SGMS1: variants seen among roughly 807,000 people sequenced by gnomAD.
SGMS1 encodes the protein phosphatidylcholine:ceramide cholinephosphotransferase 1.
A neutral mutation model predicts 46.2 loss-of-function variants in SGMS1; 13 were observed. The ratio of observed to expected loss-of-function variants is 0.28; its 90% CI spans 0.18 to 0.45. The LOEUF is 0.45. SGMS1 is among the 20% of genes least tolerant of loss of function. SGMS1 has a pLI of 1.00. For missense variants in SGMS1, 324 were observed against 519.9 expected (o/e 0.62, Z 3.66); for synonymous variants, 203 against 187.8 (o/e 1.08, Z -0.66).
chr10:50,327,071 T>C (rs2133313985), intron 8 of SGMS1, 134 bp downstream of exon 8: 1 of 565,404 alleles, frequency 1.8e-6, no homozygotes, highest in African/African-American at 1.9e-5. Context: ...GGCCATATCA[T>C]TTAGTAACAT....
At chr10:50,553,423 A>C (rs1047260466) in intron 2 of SGMS1, among the ~76,000 whole-genome samples, 15 of 152,184 alleles carry the variant, frequency 9.9e-5, no homozygotes, top group African/African-American at 3.4e-4. Context: ...AGTACTTAGT[A>C]TATTTCCTGA....
In SGMS1 at chr10:50,519,848, C is replaced by T. The variant is rs563498769; in HGVS notation, c.-515G>A. ...TGACTTACCTGTATTTTATTACACA[C>T]CCTCTGCTGTGTTCCAACTTTACTG... On this transcript the variant is annotated 5_prime_UTR_variant, in exon 3 of 11. It adds an upstream start codon to the 5' untranslated region. Transcript: ENST00000361781. The T allele has an allele frequency of 3.7e-4, 57 of 152,430 alleles. No homozygotes were observed. The Middle Eastern group carries it at 0.014, about 36-fold the overall frequency. 9.4% of individuals were successfully genotyped at this position (152,430 alleles called of 1,614,324 possible).
chr10:50,596,262 C>T (rs4519043), intron 1 of SGMS1, among the ~76,000 whole-genome samples: 26,102 of 151,062 alleles, frequency 0.17, 2,555 homozygotes, highest in East Asian at 0.29. Context: ...CCGCAACCTG[C>T]GCCTCCCTGG....
chr10:50,396,201 A>G (rs935009805), intron 6 of SGMS1, among the ~76,000 whole-genome samples: 1 of 151,938 alleles, frequency 6.6e-6, no homozygotes, highest in African/African-American at 2.4e-5. Context: ...CTGAGCCCTC[A>G]GGGTGGGGCT....
intron 6 of SGMS1, among the ~76,000 whole-genome samples, chr10:50,345,261 T>C (rs995979849): frequency 6.6e-6 from 1 of 152,104 alleles, no homozygotes; most frequent in East Asian, 1.9e-4. Context: ...TGATCTTTCT[T>C]AATCTCAGCC....
intron 4 of SGMS1, among the ~76,000 whole-genome samples, chr10:50,466,283 A>G (rs774142180): frequency 6.6e-6 from 1 of 152,102 alleles, no homozygotes; most frequent in Non-Finnish European, 1.5e-5. Flanking sequence ...TATACATGCA[A>G]TTACCTCTAA....
intron 6 of SGMS1, among the ~76,000 whole-genome samples, chr10:50,387,603 G>A (rs550623443): frequency 6.6e-6 from 1 of 152,262 alleles, no homozygotes; most frequent in South Asian, 2.1e-4. Context: ...GAGATAACCA[G>A]TGCTAACAGG....
At chr10:50,510,984 A>T (rs1346907052) in intron 3 of SGMS1, among the ~76,000 whole-genome samples, 1 of 152,200 alleles carries the variant, frequency 6.6e-6, no homozygotes, top group Admixed American at 6.6e-5. Flanking sequence ...ATCTGCTGGA[A>T]GCACTTTGGT....
At chr10:50,367,218 A>C (rs1381571117) in intron 6 of SGMS1, among the ~76,000 whole-genome samples, 1 of 152,198 alleles carries the variant, frequency 6.6e-6, no homozygotes, top group African/African-American at 2.4e-5. Context: ...TATAAAAATA[A>C]ATTGGAGTGA....
chr10:50,615,163 T>G (rs1012236139), intron 1 of SGMS1, among the ~76,000 whole-genome samples: 2 of 152,202 alleles, frequency 1.3e-5, no homozygotes, highest in East Asian at 3.9e-4. Context: ...ATTTACTTGT[T>G]CAGTCTGCAA....
At chr10:50,416,121 G>C (rs1849166021) in intron 6 of SGMS1, among the ~76,000 whole-genome samples, 1 of 152,140 alleles carries the variant, frequency 6.6e-6, no homozygotes, top group Non-Finnish European at 1.5e-5. Flanking sequence ...ATTTGGCGCT[G>C]GGACAATGAG....
chr10:50,409,154 T>C (rs1849063573), intron 6 of SGMS1, among the ~76,000 whole-genome samples: 1 of 152,214 alleles, frequency 6.6e-6, no homozygotes. Flanking sequence ...ATGGGGTACA[T>C]GTGATAGTTT....
chr10:50,498,569 C>G, intron 3 of SGMS1, among the ~76,000 whole-genome samples: 1 of 152,084 alleles, frequency 6.6e-6, no homozygotes, highest in East Asian at 1.9e-4. Context: ...AGTATTTTTC[C>G]TTTTGTGACT....
intron 6 of SGMS1, among the ~76,000 whole-genome samples, chr10:50,379,903 CAG>C (rs1355501839): frequency 6.6e-6 from 1 of 152,176 alleles, no homozygotes; most frequent in East Asian, 1.9e-4. Flanking sequence ...CAGAAGAGAA[CAG>C]AGCTCTTTTG....
intron 5 of SGMS1, among the ~76,000 whole-genome samples, chr10:50,457,574 C>G (rs1485925873): frequency 6.6e-6 from 1 of 152,120 alleles, no homozygotes; most frequent in African/African-American, 2.4e-5. Flanking sequence ...ATGCCTCCCC[C>G]ACCCTCTCTC....
chr10:50,540,368 T>C (rs1838041328), intron 2 of SGMS1, among the ~76,000 whole-genome samples: 1 of 152,176 alleles, frequency 6.6e-6, no homozygotes, highest in Non-Finnish European at 1.5e-5. Context: ...CCACACCTCA[T>C]GCTAGATATG....
At chr10:50,517,864 C>T (rs1465478798) in intron 3 of SGMS1, among the ~76,000 whole-genome samples, 2 of 151,904 alleles carry the variant, frequency 1.3e-5, no homozygotes, top group African/African-American at 4.8e-5. Flanking sequence ...GACAATGGAA[C>T]AGTATGTTCA....
intron 1 of SGMS1, among the ~76,000 whole-genome samples, chr10:50,596,932 G>A (rs1278584457): frequency 2.6e-5 from 4 of 152,176 alleles, no homozygotes; most frequent in Non-Finnish European, 5.9e-5. Context: ...CAACTGGCTC[G>A]TTGCACATGG....
At chr10:50,595,960 G>T (rs541766534) in intron 1 of SGMS1, among the ~76,000 whole-genome samples, 1 of 152,252 alleles carries the variant, frequency 6.6e-6, no homozygotes, top group African/African-American at 2.4e-5. Context: ...TATTTCAAAG[G>T]GTTGCTGTGA....
Sources: gnomAD v4.1 joint callset for allele counts (sites outside exome capture counted in the v4.1 genomes callset) on GRCh38, gnomAD v4.1.1 for gene constraint, MANE v1.5 for transcripts, NCBI Gene and HGNC (gene_info 2026-07-23, HGNC 2026-07-21) for gene names.